ATP9B: variants seen among roughly 807,000 people sequenced by gnomAD.
The protein encoded by ATP9B is probable phospholipid-transporting ATPase IIB.
Under a neutral mutation model 146.1 loss-of-function variants are expected in ATP9B, and 110 were observed. The ratio of observed to expected loss-of-function variants is 0.75; its 90% confidence interval spans 0.65 to 0.88. The LOEUF (loss-of-function observed/expected upper bound fraction) is 0.88, where lower values mean the gene tolerates loss of function less well. Ranked by LOEUF, ATP9B falls within the 40% of genes least tolerant of loss-of-function variation. ATP9B has a pLI of 0.00. For missense variants in ATP9B, 1,499 were observed against 1,496.4 expected, an observed-to-expected ratio of 1.00 and a Z score of -0.03; for synonymous variants, 604 against 569.7, an observed-to-expected ratio of 1.06 and a Z score of -0.86.
chr18:79,201,726 A>G (rs1314770701), intron 9 of ATP9B, among the ~76,000 whole-genome samples: 8 of 151,938 alleles, frequency 5.3e-5, no homozygotes, highest in African/African-American at 2.4e-5. Flanking sequence ...TGCGCCACCA[A>G]GCCCAGCTAA....
At chr18:79,073,440 A>G (rs2072201941) in intron 1 of ATP9B, among the ~76,000 whole-genome samples, 1 of 152,244 alleles carries the variant, frequency 6.6e-6, no homozygotes. Context: ...CAGCCTGGCC[A>G]ACACGGAGAA....
At chr18:79,089,131 G>A (rs371406729) in intron 1 of ATP9B, among the ~76,000 whole-genome samples, 1 of 152,006 alleles carries the variant, frequency 6.6e-6, no homozygotes, top group Non-Finnish European at 1.5e-5. Flanking sequence ...AGGGAGTGAG[G>A]GATAAAAGAC....
At position 79,178,926 on chromosome 18, in the gene ATP9B, A is replaced by T. The variant is rs200031779; in HGVS notation, c.873+2019A>T. On this transcript the variant is annotated intron_variant, in intron 8 of 29. Transcript: ENST00000426216. Reference sequence around the variant, plus strand: ...CTGTAATTTTTAAAATAGTTGGCATAAAATTGGCGTTATTTATTTTTTAAA... The same window carrying T: ...CTGTAATTTTTAAAATAGTTGGCATTAAATTGGCGTTATTTATTTTTTAAA... 5.9e-5 allele frequency among the ~76,000 whole-genome samples: 9 copies of T among 152,304 alleles called. No homozygotes were observed. In the East Asian group the frequency reaches 1.7e-3, roughly 29 times the overall value.
chr18:79,156,517 G>A (rs2147664464), intron 7 of ATP9B, among the ~76,000 whole-genome samples: 1 of 152,334 alleles, frequency 6.6e-6, no homozygotes, highest in Middle Eastern at 3.4e-3. Flanking sequence ...GTATGGAACA[G>A]AGCCCCTCCC....
At chr18:79,187,125 G>A (rs889824043) in intron 8 of ATP9B, among the ~76,000 whole-genome samples, 22 of 152,330 alleles carry the variant, frequency 1.4e-4, no homozygotes, top group Non-Finnish European at 2.5e-4. Flanking sequence ...AGTAGCTTTG[G>A]AGCTTCAGTC....
chr18:79,222,799 T>G (rs2095693318), intron 11 of ATP9B, among the ~76,000 whole-genome samples: 1 of 152,144 alleles, frequency 6.6e-6, no homozygotes, highest in South Asian at 2.1e-4. Context: ...ATATTAGTAT[T>G]TGGTGAAAGT....
intron 9 of ATP9B, among the ~76,000 whole-genome samples, chr18:79,198,601 G>A (rs139404497): frequency 6.6e-6 from 1 of 152,280 alleles, no homozygotes; most frequent in Non-Finnish European, 1.5e-5. Flanking sequence ...GTTATATGGT[G>A]TAGCCTGTTG....
intron 7 of ATP9B, among the ~76,000 whole-genome samples, chr18:79,176,247 C>G (rs749802579): frequency 7.9e-5 from 12 of 152,126 alleles, no homozygotes; most frequent in African/African-American, 1.2e-4. Context: ...AGAATAGATT[C>G]TGAGAAGTGG....
intron 11 of ATP9B, among the ~76,000 whole-genome samples, chr18:79,214,713 A>G (rs1333528359): frequency 6.6e-6 from 1 of 152,210 alleles, no homozygotes; most frequent in Non-Finnish European, 1.5e-5. Context: ...TTTTATTTAA[A>G]ATGTAATTTA....
At chr18:79,154,608 AT>A in intron 7 of ATP9B, 53 bp downstream of exon 7, 2 of 1,210,116 alleles carry the variant, frequency 1.7e-6, no homozygotes, top group Non-Finnish European at 2.3e-6. Context: ...GCAAAAACAA[AT>A]TTACAAATAT....
chr18:79,255,107 C>G (rs938509473), intron 12 of ATP9B: 3 of 152,078 alleles, frequency 2.0e-5, no homozygotes, highest in African/African-American at 7.2e-5. Flanking sequence ...TGAATGGACC[C>G]ATTACAAAGG....
intron 27 of ATP9B, 63 bp downstream of exon 27, chr18:79,372,945 A>T: frequency 8.0e-7 from 1 of 1,243,512 alleles, no homozygotes; most frequent in South Asian, 1.3e-5. Context: ...TTTGTTAGCA[A>T]TATTGTTTTT....
At chr18:79,198,329 G>A (rs4799020) in intron 9 of ATP9B, among the ~76,000 whole-genome samples, 81,480 of 151,976 alleles carry the variant, frequency 0.54, 23,642 homozygotes, top group African/African-American at 0.77. Flanking sequence ...AATAGATACC[G>A]TACCAACACT....
intron 1 of ATP9B, chr18:79,086,010 T>C (rs2073787553): frequency 6.7e-6 from 1 of 150,196 alleles, no homozygotes; most frequent in Admixed American, 6.7e-5. Context: ...TGCTGTGATG[T>C]TTCACAATTG....
At chr18:79,233,258 C>T (rs75363216) in intron 11 of ATP9B, among the ~76,000 whole-genome samples, 1,903 of 152,148 alleles carry the variant, frequency 0.013, 16 homozygotes, top group Middle Eastern at 0.027. Context: ...TGCCACTGCA[C>T]TCCACCTGGG....
chr18:79,312,740 G>A (rs77540195), intron 15 of ATP9B, among the ~76,000 whole-genome samples: 5,006 of 152,320 alleles, frequency 0.033, 130 homozygotes, highest in Non-Finnish European at 0.05. Flanking sequence ...GGAAGTTTAA[G>A]TAGGAGCTAG....
intron 1 of ATP9B, among the ~76,000 whole-genome samples, chr18:79,076,464 A>T (rs2072627396): frequency 6.6e-6 from 1 of 152,322 alleles, no homozygotes; most frequent in East Asian, 1.9e-4. Flanking sequence ...CAGAACTTGA[A>T]AAGTGTTATG....
chr18:79,315,357 C>T (rs1325340389), intron 15 of ATP9B, among the ~76,000 whole-genome samples: 2 of 152,114 alleles, frequency 1.3e-5, no homozygotes, highest in African/African-American at 2.4e-5. Flanking sequence ...ACACTGTGAC[C>T]TTCAGGACCA....
chr18:79,172,284 G>A (rs1389553787), intron 7 of ATP9B, among the ~76,000 whole-genome samples: 1 of 14,896 alleles, frequency 6.7e-5, no homozygotes, highest in East Asian at 1.9e-3. Flanking sequence ...CTTGCGATCC[G>A]CCTTGGCCTC....
Sources: allele counts gnomAD v4.1 joint callset (sites outside exome capture counted in the v4.1 genomes callset), GRCh38; gene constraint gnomAD v4.1.1; transcripts MANE v1.5; gene names NCBI Gene and HGNC (gene_info 2026-07-23, HGNC 2026-07-21).